Variants in TSHZ2 observed in about 807,000 individuals in gnomAD.
The protein encoded by TSHZ2 is teashirt zinc finger homeobox 2, also known as teashirt homolog 2.
Under a neutral mutation model 74.4 loss-of-function variants are expected in TSHZ2, and 21 were observed. The observed-to-expected ratio is 0.28, with a 90% CI of 0.20 to 0.41. The LOEUF (loss-of-function observed/expected upper bound fraction) is 0.41, where lower values mean the gene tolerates loss of function less well. Ranked by LOEUF, TSHZ2 falls within the 10% of genes least tolerant of loss-of-function variation. The pLI, the probability that TSHZ2 is intolerant of heterozygous loss-of-function variation, is 1.00. For synonymous variants in TSHZ2, 540 were observed against 515.3 expected (o/e 1.05, Z -0.65); for missense variants, 1,244 against 1,293.5 (o/e 0.96, Z 0.59).
chr20:53,116,747 G>C (rs182242581), intron 1 of TSHZ2, among the ~76,000 whole-genome samples: 2 of 152,180 alleles, frequency 1.3e-5, no homozygotes, highest in African/African-American at 4.8e-5. Flanking sequence ...CCAAATGTTT[G>C]TTTAGTATAT....
intron 2 of TSHZ2, among the ~76,000 whole-genome samples, chr20:53,272,801 C>G (rs916861915): frequency 2.0e-5 from 3 of 152,190 alleles, no homozygotes; most frequent in Non-Finnish European, 4.4e-5. Context: ...GTGTGCCAGG[C>G]TCTGTTCTGA....
rs187183114 is a variant in TSHZ2, at chr20:53,114,313, C to A, written c.41-139186C>A. Among the ~76,000 whole-genome samples, 136 of 152,244 alleles carry A rather than the reference C, an allele frequency of 8.9e-4. 1 individual carries two copies. Among genetic ancestry groups the A allele is most frequent in the Non-Finnish European group, 1.9e-4 (13 of 68,016 alleles). On this transcript the variant is annotated intron_variant, in intron 1 of 2. Coordinates refer to ENST00000371497, the MANE Select transcript of TSHZ2 (RefSeq NM_173485.6). ...CTCAGATGAGTGCTCAGAATCTGGG[C>A]TTTGGAACTGTGTTTATACCTAGTC...
At chr20:53,275,812 A>G (rs908045109) in intron 2 of TSHZ2, among the ~76,000 whole-genome samples, 45 of 152,210 alleles carry the variant, frequency 3.0e-4, no homozygotes, top group African/African-American at 1.0e-3. Flanking sequence ...CTGTAATCCC[A>G]GCTACTCAGG....
At chr20:53,099,414 C>A (rs1240406376) in intron 1 of TSHZ2, among the ~76,000 whole-genome samples, 1 of 152,176 alleles carries the variant, frequency 6.6e-6, no homozygotes, top group African/African-American at 2.4e-5. Context: ...AAAGCCTCCA[C>A]AATCTCTCAC....
chr20:53,195,635 C>A lies in TSHZ2; in HGVS notation c.41-57864C>A, dbSNP rs1252994817. On this transcript the variant is annotated intron_variant, in intron 1 of 2. Coordinates refer to ENST00000371497, the MANE Select transcript of TSHZ2 (RefSeq NM_173485.6). ...GCACCTCAGTTTACCAGGACAGTGA[C>A]CCTGACGGGTCCCCTCTTTACCCAG... is the stretch of plus-strand genomic sequence containing the variant. Among the ~76,000 whole-genome samples, 3 of 152,196 alleles carry A rather than the reference C, an allele frequency of 2.0e-5. No individual in the cohort carries two copies. In the East Asian group the frequency reaches 5.8e-4, roughly 29 times the overall value.
Position 53,269,140 on chromosome 20 carries a change from G to T in TSHZ2, c.*8+12569G>T, listed in dbSNP as rs137939348. Among the ~76,000 whole-genome samples the T allele has an allele frequency of 3.3e-3, 508 of 152,248 alleles. 4 individuals are homozygous for T. Among genetic ancestry groups the T allele is most frequent in the African/African-American group, 0.012 (487 of 41,530 alleles). On this transcript the variant is annotated intron_variant, in intron 2 of 2. Transcript: ENST00000371497. ...GGTCAGATAGTGTACAGGGGTGGGG[G>T]CTGTCAGCGTGGATCTGGCACACAC...
At chr20:53,267,938 G>A (rs71356179) in intron 2 of TSHZ2, among the ~76,000 whole-genome samples, 15,607 of 152,136 alleles carry the variant, frequency 0.1, 888 homozygotes, top group Middle Eastern at 0.13. Flanking sequence ...CCAAGGTCAC[G>A]CAGCTGGTGA....
chr20:52,974,463 T>G (rs1187554817), intron 1 of TSHZ2, among the ~76,000 whole-genome samples: 2 of 152,242 alleles, frequency 1.3e-5, no homozygotes, highest in African/African-American at 4.8e-5. Context: ...TTTCTTTGTG[T>G]CCTTTAGTTG....
At chr20:53,445,919 G>C (rs1984527555) in intron 2 of TSHZ2, among the ~76,000 whole-genome samples, 1 of 152,104 alleles carries the variant, frequency 6.6e-6, no homozygotes, top group South Asian at 2.1e-4. Flanking sequence ...GGGTACAAGG[G>C]AGCCAGCTGA....
At chr20:53,304,102 A>G (rs1459998746) in intron 2 of TSHZ2, among the ~76,000 whole-genome samples, 2 of 151,582 alleles carry the variant, frequency 1.3e-5, no homozygotes, top group Non-Finnish European at 2.9e-5. Flanking sequence ...GGTAAGTTAC[A>G]TATGTATACA....
chr20:53,478,104 C>T (rs74833049), intron 2 of TSHZ2, among the ~76,000 whole-genome samples: 18,122 of 131,952 alleles, frequency 0.14, 1,097 homozygotes, highest in East Asian at 0.21. Flanking sequence ...GTCAGTGTGG[C>T]GATTCCTCAG....
intron 2 of TSHZ2, among the ~76,000 whole-genome samples, chr20:53,381,312 G>C (rs766066592): frequency 2.0e-5 from 3 of 152,114 alleles, no homozygotes; most frequent in Admixed American, 6.5e-5. Flanking sequence ...ACATACGAAA[G>C]GTAGAAAATG....
At chr20:53,096,105 T>C (rs906268541) in intron 1 of TSHZ2, among the ~76,000 whole-genome samples, 1 of 152,194 alleles carries the variant, frequency 6.6e-6, no homozygotes, top group Non-Finnish European at 1.5e-5. Context: ...GTCTCCCTCC[T>C]GTTAACACTA....
intron 1 of TSHZ2, among the ~76,000 whole-genome samples, chr20:53,094,645 G>A (rs953846598): frequency 2.0e-5 from 3 of 152,178 alleles, no homozygotes; most frequent in South Asian, 2.1e-4. Flanking sequence ...CTTCCACACA[G>A]CGTGCTGAGA....
At chr20:53,211,625 G>C (rs539600426) in intron 1 of TSHZ2, among the ~76,000 whole-genome samples, 1 of 152,332 alleles carries the variant, frequency 6.6e-6, no homozygotes, top group South Asian at 2.1e-4. Flanking sequence ...TCAGATGGGA[G>C]GATCGCTTGA....
chr20:53,073,422 A>C (rs369518323), intron 1 of TSHZ2, among the ~76,000 whole-genome samples: 2 of 150,188 alleles, frequency 1.3e-5, no homozygotes, highest in East Asian at 2.0e-4. Flanking sequence ...CCATTCCTTC[A>C]TTCATCTATC....
chr20:53,092,522 G>A (rs1030984116), intron 1 of TSHZ2, among the ~76,000 whole-genome samples: 5 of 152,160 alleles, frequency 3.3e-5, no homozygotes, highest in African/African-American at 1.2e-4. Context: ...TGTTAGCCAT[G>A]GGAAAAGGAA....
intron 2 of TSHZ2, among the ~76,000 whole-genome samples, chr20:53,262,257 G>A (rs760057450): frequency 1.3e-5 from 2 of 150,654 alleles, no homozygotes; most frequent in Admixed American, 6.6e-5. Context: ...AGCTTTCCAC[G>A]ATGCTTTTTT....
intron 1 of TSHZ2, among the ~76,000 whole-genome samples, chr20:53,151,577 A>G (rs1987678100): frequency 6.6e-6 from 1 of 152,340 alleles, no homozygotes; most frequent in East Asian, 1.9e-4. Context: ...TATTTCTGCA[A>G]TGAAGCATTA....
Sources: gnomAD v4.1 joint callset for allele counts (sites outside exome capture counted in the v4.1 genomes callset) on GRCh38, gnomAD v4.1.1 for gene constraint, MANE v1.5 for transcripts, NCBI Gene and HGNC (gene_info 2026-07-23, HGNC 2026-07-21) for gene names.